The following SLC12A1 variants were observed in gnomAD, a reference collection of about 807,000 sequenced individuals.
SLC12A1 encodes the protein Na-K-2Cl cotransporter.
A neutral mutation model predicts 130.4 loss-of-function variants in SLC12A1; 89 were observed. That is an observed-to-expected ratio of 0.68 (90% CI 0.58 to 0.81). The LOEUF (loss-of-function observed/expected upper bound fraction) is 0.81. Among genes scored for constraint, SLC12A1 ranks in the 40% least tolerant of loss-of-function variants. The pLI, the probability that SLC12A1 is intolerant of heterozygous loss-of-function variation, is 0.00. For missense variants in SLC12A1, 1,310 were observed against 1,336.4 expected, an observed-to-expected ratio of 0.98 and a Z score of 0.31; for synonymous variants, 499 against 460.0, an observed-to-expected ratio of 1.08 and a Z score of -1.09.
chr15:48,290,064 A>T (rs2042103373), intron 23 of SLC12A1, among the ~76,000 whole-genome samples: 1 of 152,238 alleles, frequency 6.6e-6, no homozygotes, highest in South Asian at 2.1e-4. Flanking sequence ...AACGTATTGT[A>T]CAGCTATGCA....
intron 9 of SLC12A1, 36 bp downstream of exon 9, chr15:48,235,040 G>T (rs1567314434): frequency 9.9e-6 from 16 of 1,609,996 alleles, no homozygotes; most frequent in Non-Finnish European, 1.4e-5. Flanking sequence ...TCCTGGGAGT[G>T]GTGGTACACT....
intron 10 of SLC12A1, among the ~76,000 whole-genome samples, chr15:48,243,555 CT>C: frequency 6.6e-6 from 1 of 152,242 alleles, no homozygotes; most frequent in Middle Eastern, 3.4e-3. Flanking sequence ...ACTCGGGTGG[CT>C]GAGGCAGAGA....
At chr15:48,302,353 G>T (rs919168125) in intron 26 of SLC12A1, among the ~76,000 whole-genome samples, 1 of 151,876 alleles carries the variant, frequency 6.6e-6, no homozygotes, top group Non-Finnish European at 1.5e-5. Context: ...GGGCGCGGTG[G>T]CTCACGCCTG....
chr15:48,259,380 A>G (rs1344811829), intron 17 of SLC12A1, 69 bp downstream of exon 17: 3 of 1,076,324 alleles, frequency 2.8e-6, no homozygotes, highest in Non-Finnish European at 4.4e-6. Flanking sequence ...TTGGGTGAGG[A>G]GAAAAGGTAC....
chr15:48,269,905 C>T, intron 19 of SLC12A1, 141 bp downstream of exon 19: 1 of 452,918 alleles, frequency 2.2e-6, no homozygotes, highest in Non-Finnish European at 4.0e-6. Flanking sequence ...GACTTCTTTT[C>T]CAAGGTGAAA....
At chr15:48,227,112 T>C in intron 5 of SLC12A1, 1 of 1,552,186 alleles carries the variant, frequency 6.4e-7, no homozygotes, top group Non-Finnish European at 8.7e-7. Flanking sequence ...CTAAGTGTGG[T>C]AGTAACGACA....
intron 20 of SLC12A1, among the ~76,000 whole-genome samples, chr15:48,284,782 C>T (rs2141110612): frequency 6.6e-6 from 1 of 152,198 alleles, no homozygotes; most frequent in African/African-American, 2.4e-5. Flanking sequence ...TGGCACTACA[C>T]ACCACACCCA....
chr15:48,230,786 C>T (rs1036498719), intron 7 of SLC12A1, among the ~76,000 whole-genome samples: 33 of 152,206 alleles, frequency 2.2e-4, no homozygotes, highest in African/African-American at 6.8e-4. Context: ...CAGTGGTGCA[C>T]GCTGGAAGCC....
At chr15:48,226,711 A>G in intron 5 of SLC12A1, 140 bp downstream of exon 5, 2 of 668,674 alleles carry the variant, frequency 3.0e-6, no homozygotes. Context: ...GATGCCAAAG[A>G]AAACCTAAGG....
intron 19 of SLC12A1, among the ~76,000 whole-genome samples, chr15:48,274,218 C>T (rs1433629913): frequency 1.3e-5 from 2 of 152,192 alleles, no homozygotes; most frequent in Non-Finnish European, 2.9e-5. Context: ...AGAGTCTTTG[C>T]AGTCTGTAAA....
intron 15 of SLC12A1, among the ~76,000 whole-genome samples, chr15:48,253,264 C>T (rs1233331463): frequency 3.9e-5 from 6 of 152,200 alleles, no homozygotes; most frequent in Admixed American, 1.3e-4. Flanking sequence ...TTGACAAACT[C>T]GTACAGTGCT....
chr15:48,215,440 A>C (rs533911700), intron 2 of SLC12A1, among the ~76,000 whole-genome samples: 1 of 152,338 alleles, frequency 6.6e-6, no homozygotes, highest in Admixed American at 6.5e-5. Context: ...ATAATTTAGA[A>C]TACATTTATA....
At chr15:48,253,320 T>A (rs964136499) in intron 15 of SLC12A1, among the ~76,000 whole-genome samples, 2 of 152,224 alleles carry the variant, frequency 1.3e-5, no homozygotes, top group African/African-American at 4.8e-5. Context: ...CCTCACAAGT[T>A]CCATTATACC....
chr15:48,229,345 C>CT lies in SLC12A1; in HGVS notation c.864+24dup. 6.3e-7 allele frequency: 1 copy of CT among 1,575,372 alleles called. No individual in the cohort carries two copies. Among genetic ancestry groups the CT allele is most frequent in the Non-Finnish European group, 8.6e-7 (1 of 1,159,218 alleles). ...CTTCTTAAGGTAATTAAAAGCTTTT[C>CT]TTTTTTTCTGCCAAGCAGCATAATT... On this transcript the variant is annotated intron_variant, in intron 6 of 26. Transcript: ENST00000380993.
At chr15:48,285,525 A>G (rs569134769) in intron 21 of SLC12A1, among the ~76,000 whole-genome samples, 2 of 152,346 alleles carry the variant, frequency 1.3e-5, no homozygotes, top group East Asian at 1.9e-4. Context: ...ATTGCATGCC[A>G]TAAAACAGAA....
At chr15:48,239,620 T>C (rs1188855382) in intron 9 of SLC12A1, among the ~76,000 whole-genome samples, 2 of 151,980 alleles carry the variant, frequency 1.3e-5, no homozygotes, top group Non-Finnish European at 2.9e-5. Flanking sequence ...TAGCAGACAG[T>C]TGCAAATAAA....
intron 9 of SLC12A1, among the ~76,000 whole-genome samples, chr15:48,236,246 G>T (rs908353955): frequency 5.9e-5 from 9 of 152,150 alleles, no homozygotes; most frequent in African/African-American, 2.2e-4. Flanking sequence ...CATATGCATT[G>T]TCCAGCGGGA....
intron 8 of SLC12A1, 32 bp from the exon 9 acceptor site, chr15:48,234,845 A>C: frequency 6.2e-7 from 1 of 1,609,398 alleles, no homozygotes; most frequent in Non-Finnish European, 8.5e-7. Context: ...AAAAATGTCT[A>C]CATCATAATT....
At chr15:48,248,050 AG>A (rs1448627709) in intron 13 of SLC12A1, among the ~76,000 whole-genome samples, 1 of 152,178 alleles carries the variant, frequency 6.6e-6, no homozygotes, top group African/African-American at 2.4e-5. Flanking sequence ...AATCTTGGAG[AG>A]GCACATTCAT....
Sources: gnomAD v4.1 joint callset for allele counts (sites outside exome capture counted in the v4.1 genomes callset) on GRCh38, gnomAD v4.1.1 for gene constraint, MANE v1.5 for transcripts, NCBI Gene and HGNC (gene_info 2026-07-23, HGNC 2026-07-21) for gene names.